Variants in RAI14 observed in about 807,000 individuals in gnomAD.
RAI14 encodes the protein retinoic acid induced 14, also known as ankycorbin.
RAI14 carries 45 observed loss-of-function variants against 115.4 expected under a neutral mutation model. The ratio of observed to expected loss-of-function variants is 0.39; its 90% CI spans 0.31 to 0.50. RAI14 has a LOEUF of 0.50. RAI14 is among the 20% of genes least tolerant of loss of function. RAI14 has a pLI of 0.85. For missense variants in RAI14, 939 were observed against 1,131.2 expected (o/e 0.83, Z 2.44); for synonymous variants, 371 against 415.4 (o/e 0.89, Z 1.30).
chr5:34,671,184 T>G (rs1357600779), intron 1 of RAI14, among the ~76,000 whole-genome samples: 1 of 152,032 alleles, frequency 6.6e-6, no homozygotes, highest in Non-Finnish European at 1.5e-5. Flanking sequence ...TTGAGGATGG[T>G]CTTTTGGCAC....
chr5:34,814,759 T>C, intron 12 of RAI14, 90 bp downstream of exon 12: 1 of 1,028,936 alleles, frequency 9.7e-7, no homozygotes, highest in Non-Finnish European at 1.5e-6. Flanking sequence ...AAAAACAGAA[T>C]ATACTTCTGA....
intron 2 of RAI14, among the ~76,000 whole-genome samples, chr5:34,689,417 C>A (rs562649961): frequency 2.0e-5 from 3 of 152,042 alleles, no homozygotes; most frequent in African/African-American, 7.2e-5. Flanking sequence ...AAAACAAAAA[C>A]AAACTGAACA....
chr5:34,729,720 A>G (rs965755142), intron 2 of RAI14, among the ~76,000 whole-genome samples: 3 of 152,314 alleles, frequency 2.0e-5, no homozygotes, highest in Admixed American at 1.3e-4. Context: ...GGCTTCTTCA[A>G]CAAGTAGATT....
chr5:34,675,106 A>C (rs1175480414), intron 1 of RAI14, among the ~76,000 whole-genome samples: 2 of 152,110 alleles, frequency 1.3e-5, no homozygotes, highest in Non-Finnish European at 2.9e-5. Flanking sequence ...CATGTTGGCC[A>C]GGATGGTCTC....
intron 4 of RAI14, among the ~76,000 whole-genome samples, chr5:34,798,072 G>A (rs1753744213): frequency 1.3e-5 from 2 of 152,146 alleles, no homozygotes; most frequent in African/African-American, 2.4e-5. Context: ...GTCTTGCTCT[G>A]TTGCCCAGGC....
intron 4 of RAI14, 116 bp from the exon 5 acceptor site, chr5:34,803,596 G>T: frequency 2.3e-6 from 2 of 857,162 alleles, no homozygotes; most frequent in Non-Finnish European, 3.6e-6. Flanking sequence ...ACACAGTTCC[G>T]TCTTTTTTGG....
chr5:34,813,277 A>G (rs1035865743), intron 10 of RAI14, among the ~76,000 whole-genome samples: 5 of 152,218 alleles, frequency 3.3e-5, no homozygotes, highest in African/African-American at 1.2e-4. Flanking sequence ...CTGTGATTGT[A>G]TTCTGGATTC....
At chr5:34,812,143 C>T in intron 9 of RAI14, 37 bp from the exon 10 acceptor site, 1 of 1,526,838 alleles carries the variant, frequency 6.5e-7, no homozygotes, top group Non-Finnish European at 9.0e-7. Flanking sequence ...AATCATTATG[C>T]TTCTTATAGT....
chr5:34,724,613 C>G (rs1442013116), intron 2 of RAI14, among the ~76,000 whole-genome samples: 2 of 152,060 alleles, frequency 1.3e-5, no homozygotes, highest in South Asian at 2.1e-4. Context: ...AGAAACAGCT[C>G]TCTGTCAGCA....
intron 3 of RAI14, among the ~76,000 whole-genome samples, chr5:34,768,681 C>G (rs1192876404): frequency 6.6e-6 from 1 of 152,110 alleles, no homozygotes; most frequent in African/African-American, 2.4e-5. Context: ...AGAAAAAGAG[C>G]AAATGCTCTG....
chr5:34,725,379 G>A (rs1008978949), intron 2 of RAI14, among the ~76,000 whole-genome samples: 8 of 152,052 alleles, frequency 5.3e-5, no homozygotes, highest in Non-Finnish European at 1.2e-4. Flanking sequence ...TTCTATCTTT[G>A]AAGGAAGAAA....
chr5:34,732,202 G>T (rs1411947155), intron 2 of RAI14, among the ~76,000 whole-genome samples: 5 of 152,142 alleles, frequency 3.3e-5, no homozygotes, highest in Non-Finnish European at 7.4e-5. Context: ...AGGGAAGGTG[G>T]TGTTTCTGTT....
At chr5:34,780,637 G>T (rs1751498739) in intron 3 of RAI14, among the ~76,000 whole-genome samples, 1 of 152,126 alleles carries the variant, frequency 6.6e-6, no homozygotes, top group African/African-American at 2.4e-5. Flanking sequence ...CATCATCACT[G>T]GCCATCAGAG....
chr5:34,684,154 G>A (rs1744616247), intron 1 of RAI14, among the ~76,000 whole-genome samples: 1 of 152,150 alleles, frequency 6.6e-6, no homozygotes, highest in Non-Finnish European at 1.5e-5. Context: ...AGGTGATTCT[G>A]TTTTGACGTG....
At chr5:34,736,207 GC>G (rs1561292829) in intron 2 of RAI14, among the ~76,000 whole-genome samples, 3 of 152,098 alleles carry the variant, frequency 2.0e-5, no homozygotes, top group African/African-American at 7.2e-5. Context: ...TCGACACCAG[GC>G]TGGCCAACAT....
Position 34,791,619 on chromosome 5 carries a change from G to GGGT in RAI14, c.168-4319_168-4317dup, listed in dbSNP as rs1415467140. The stretch of plus-strand genomic sequence containing the variant: ...AAATACCCAACCCTGCTGTCATTCA[G>GGGT]GGTCCTAGCAGGAACAGGTAGCATC... On this transcript the variant is annotated intron_variant, in intron 3 of 17. Transcript: ENST00000265109. The surrounding 1 kb of genome is among the most constrained non-coding windows in gnomAD (Gnocchi z 5.4). Among the ~76,000 whole-genome samples, 2 of 152,114 alleles carry GGGT rather than the reference G, an allele frequency of 1.3e-5. No individual in the cohort carries two copies. The highest frequency in any genetic ancestry group is 4.8e-5 in the African/African-American group (2 of 41,402).
Position 34,811,911 on chromosome 5 carries a change from A to G in RAI14, c.702A>G (p.Gln234=), listed in dbSNP as rs781233900. 1.2e-6 allele frequency: 2 copies of G among 1,612,986 alleles called. No individual in the cohort carries two copies. The highest frequency in any genetic ancestry group is 4.5e-5 in the East Asian group (2 of 44,850). The change falls in exon 9 of 18, where the codon CAA becomes CAG. Residue 234 remains glutamine, a synonymous_variant. Coordinates refer to ENST00000265109, the MANE Select transcript of RAI14 (RefSeq NM_015577.3). ...AACTCTCAGAAAATGCAGGAATTCAAAGCCTTCTATTATCAAAAATCTCTC... is the reference window on the plus strand; with the variant it reads ...AACTCTCAGAAAATGCAGGAATTCAGAGCCTTCTATTATCAAAAATCTCTC... ...YSKLSENAGI[Q]SLLLSKISQD...
chr5:34,734,038 G>A (rs765717911), intron 2 of RAI14, among the ~76,000 whole-genome samples: 3 of 152,212 alleles, frequency 2.0e-5, no homozygotes, highest in Non-Finnish European at 4.4e-5. Context: ...CTTCTCTGGA[G>A]CTACCACCGT....
At chr5:34,761,129 C>T (rs1748595846) in intron 3 of RAI14, among the ~76,000 whole-genome samples, 1 of 152,194 alleles carries the variant, frequency 6.6e-6, no homozygotes, top group African/African-American at 2.4e-5. Context: ...GTCACCACCT[C>T]CCTTTTGCAG....
Sources: gnomAD v4.1 joint callset for allele counts (sites outside exome capture counted in the v4.1 genomes callset) on GRCh38, gnomAD v4.1.1 for gene constraint, Gnocchi (gnomAD v3.1) non-coding constraint, MANE v1.5 for transcripts, NCBI Gene and HGNC (gene_info 2026-07-23, HGNC 2026-07-21) for gene names.